AKT3: variants seen among roughly 807,000 people sequenced by gnomAD.
The protein encoded by AKT3 is RAC-gamma serine/threonine-protein kinase.
In AKT3, 15 loss-of-function variants were observed where a neutral mutation model predicts 65.3. The observed-to-expected ratio is 0.23, with a 90% CI of 0.15 to 0.35. The LOEUF is 0.35. Ranked by LOEUF, AKT3 falls within the 10% of genes least tolerant of loss-of-function variation. AKT3 has a pLI of 1.00. For missense variants in AKT3, 243 were observed against 576.5 expected, an observed-to-expected ratio of 0.42 and a Z score of 5.92; for synonymous variants, 206 against 183.8, an observed-to-expected ratio of 1.12 and a Z score of -0.98.
intron 12 of AKT3, among the ~76,000 whole-genome samples, chr1:243,542,037 C>T (rs868326125): frequency 1.6e-4 from 25 of 151,994 alleles, no homozygotes; most frequent in Admixed American, 3.9e-4. Context: ...AATTAAAGAC[C>T]ACCTAAATAA....
At chr1:243,818,471 C>T (rs12137424) in intron 2 of AKT3, among the ~76,000 whole-genome samples, 218 of 152,180 alleles carry the variant, frequency 1.4e-3, no homozygotes, top group Non-Finnish European at 2.1e-3. Context: ...TGTCCAAAAA[C>T]TAGATACAAA....
intron 8 of AKT3, among the ~76,000 whole-genome samples, chr1:243,613,216 G>T (rs539250534): frequency 1.5e-3 from 224 of 148,104 alleles, no homozygotes; most frequent in Middle Eastern, 0.011. Flanking sequence ...TATATATATA[G>T]TCATAGTACT....
chr1:243,531,166 T>A (rs1671499606), intron 12 of AKT3, among the ~76,000 whole-genome samples: 1 of 152,256 alleles, frequency 6.6e-6, no homozygotes, highest in African/African-American at 2.4e-5. Flanking sequence ...TCACAGCTCA[T>A]TGCAGCCTTG....
intron 2 of AKT3, among the ~76,000 whole-genome samples, chr1:243,764,910 C>T (rs772676299): frequency 9.9e-5 from 15 of 151,988 alleles, no homozygotes; most frequent in Non-Finnish European, 1.9e-4. Flanking sequence ...TTGTATTTAA[C>T]CTTTTAATTA....
intron 8 of AKT3, among the ~76,000 whole-genome samples, chr1:243,585,313 C>A (rs1275016887): frequency 6.6e-6 from 1 of 151,960 alleles, no homozygotes; most frequent in Non-Finnish European, 1.5e-5. Flanking sequence ...TATTTCCCTG[C>A]CCAAAGCAAT....
chr1:243,573,642 C>CTTTATTTAGT (rs1258258537), intron 8 of AKT3, among the ~76,000 whole-genome samples: 2 of 151,930 alleles, frequency 1.3e-5, no homozygotes, highest in African/African-American at 4.8e-5. Flanking sequence ...TAGTAATGCC[C>CTTTATTTAGT]AAAATGAACT....
intron 2 of AKT3, among the ~76,000 whole-genome samples, chr1:243,749,713 CATCT>C (rs746667074): frequency 6.6e-6 from 1 of 152,174 alleles, no homozygotes; most frequent in Non-Finnish European, 1.5e-5. Flanking sequence ...ATCCAAAAAT[CATCT>C]TTCTTTGGCT....
chr1:243,629,043 G>A (rs371310715), intron 6 of AKT3, among the ~76,000 whole-genome samples: 3 of 151,730 alleles, frequency 2.0e-5, no homozygotes, highest in East Asian at 2.0e-4. Flanking sequence ...TTGGGAGGCC[G>A]AGGCAGGTGG....
At chr1:243,723,816 G>C (rs1288425816) in intron 2 of AKT3, among the ~76,000 whole-genome samples, 1 of 152,184 alleles carries the variant, frequency 6.6e-6, no homozygotes, top group Non-Finnish European at 1.5e-5. Flanking sequence ...AGCTACTTGG[G>C]AGTCTGAGGT....
chr1:243,768,721 C>A (rs920659358), intron 2 of AKT3, among the ~76,000 whole-genome samples: 8 of 151,620 alleles, frequency 5.3e-5, no homozygotes, highest in African/African-American at 1.9e-4. Flanking sequence ...TGTAATCCCA[C>A]CTACTCAGGA....
intron 2 of AKT3, among the ~76,000 whole-genome samples, chr1:243,770,278 A>C (rs1206962091): frequency 6.6e-6 from 1 of 152,122 alleles, no homozygotes. Flanking sequence ...AAAATGATAG[A>C]ATTTCTGGGG....
Position 243,587,432 on chromosome 1 carries a change from G to A in AKT3, c.697-14384C>T, listed in dbSNP as rs568153838. 5.3e-5 allele frequency among the ~76,000 whole-genome samples: 8 copies of A among 152,198 alleles called. No homozygotes were observed. In the East Asian group the frequency reaches 5.8e-4, roughly 11 times the overall value. On this transcript the variant is annotated intron_variant, in intron 8 of 13. Transcript: ENST00000673466. ...TCGAAACCAGCCCTGGCAACACAGC[G>A]AAACCCCGTCCCTACCAAAAGCACA...
At chr1:243,765,139 A>C (rs1371213667) in intron 2 of AKT3, among the ~76,000 whole-genome samples, 1 of 152,124 alleles carries the variant, frequency 6.6e-6, no homozygotes, top group African/African-American at 2.4e-5. Flanking sequence ...CTAAAAATCT[A>C]AAAAGTCCTA....
chr1:243,689,937 C>A (rs1426425254), intron 3 of AKT3, among the ~76,000 whole-genome samples: 1 of 151,306 alleles, frequency 6.6e-6, no homozygotes, highest in East Asian at 1.9e-4. Context: ...AGAGTGAGAT[C>A]TTGTCTTAAA....
At chr1:243,692,704 C>T (rs1684774407) in intron 3 of AKT3, among the ~76,000 whole-genome samples, 2 of 151,924 alleles carry the variant, frequency 1.3e-5, no homozygotes, top group Non-Finnish European at 1.5e-5. Flanking sequence ...TGCCATTGCA[C>T]TCCAGCCCGG....
chr1:243,824,093 G>C (rs1407958191), intron 2 of AKT3, among the ~76,000 whole-genome samples: 22 of 152,110 alleles, frequency 1.4e-4, no homozygotes, highest in Admixed American at 1.4e-3. Context: ...AGAAATCTCA[G>C]ATATAAGACC....
At chr1:243,753,037 G>C (rs983043505) in intron 2 of AKT3, among the ~76,000 whole-genome samples, 2 of 152,100 alleles carry the variant, frequency 1.3e-5, no homozygotes, top group Non-Finnish European at 2.9e-5. Context: ...AGGTCTTCAT[G>C]CTTCCTCCAT....
intron 13 of AKT3, among the ~76,000 whole-genome samples, chr1:243,509,751 G>C (rs1398546871): frequency 6.6e-6 from 1 of 151,984 alleles, no homozygotes; most frequent in Non-Finnish European, 1.5e-5. Flanking sequence ...TTGAAAATAG[G>C]GTGATTCAAA....
chr1:243,493,160 G>A (rs1427397230), intron 13 of AKT3, among the ~76,000 whole-genome samples: 6 of 146,862 alleles, frequency 4.1e-5, no homozygotes, highest in African/African-American at 1.2e-4. Flanking sequence ...ACTGGGCTGG[G>A]TAGTCGCACT....
Sources: gnomAD v4.1 joint callset for allele counts (sites outside exome capture counted in the v4.1 genomes callset) on GRCh38, gnomAD v4.1.1 for gene constraint, MANE v1.5 for transcripts, NCBI Gene and HGNC (gene_info 2026-07-23, HGNC 2026-07-21) for gene names.